JOSD1: variants seen among roughly 807,000 people sequenced by gnomAD.
The protein encoded by JOSD1 is Josephin domain containing 1, also known as josephin-1.
A neutral mutation model predicts 24.3 loss-of-function variants in JOSD1; 11 were observed. The ratio of observed to expected loss-of-function variants is 0.45; its 90% CI spans 0.29 to 0.75. The LOEUF is 0.75. JOSD1 is among the 30% of genes least tolerant of loss of function. The pLI, the probability that JOSD1 is intolerant of heterozygous loss-of-function variation, is 0.11. For synonymous variants in JOSD1, 106 were observed against 93.8 expected, an observed-to-expected ratio of 1.13 and a Z score of -0.75; for missense variants, 184 against 253.5, an observed-to-expected ratio of 0.73 and a Z score of 1.86.
In JOSD1 at chr22:38,700,648, G is replaced by A. The variant is rs1016565906; in HGVS notation, c.-631-30C>T. On this transcript the variant is annotated intron_variant, in intron 1 of 4. Transcript: ENST00000683374. ...GGAGGAGGAGACAACTCCGGTCAGCGGCGAGCGGGCGCGGGAAGTGAGCGG... is the reference window on the plus strand; with the variant it reads ...GGAGGAGGAGACAACTCCGGTCAGCAGCGAGCGGGCGCGGGAAGTGAGCGG... The A allele has an allele frequency of 1.5e-5, 15 of 983,650 alleles. No individual in the cohort carries two copies. The Admixed American group carries it at 8.0e-4, about 52-fold the overall frequency. The allele number at this position is 983,650 out of a possible 1,614,324, so 60.9% of individuals were successfully genotyped here.
Position 38,689,868 on chromosome 22 carries a change from AAGT to A in JOSD1, c.186-447_186-445del, listed in dbSNP as rs367989812. ...CTGGGGTTGGATATAAGGCAATAAA[AAGT>A]AGTGAGGCCTACTGGAATGCACGAC... On this transcript the variant is annotated intron_variant, in intron 2 of 4. Coordinates refer to ENST00000683374, the MANE Select transcript of JOSD1 (RefSeq NM_001360236.2). Among the ~76,000 whole-genome samples, 927 of 151,700 alleles carry A rather than the reference AAGT, an allele frequency of 6.1e-3. 16 individuals are homozygous for A. The highest frequency in any genetic ancestry group is 0.022 in the African/African-American group (901 of 41,140).
rs754520912 is a variant in JOSD1 at position 38,687,955 on chromosome 22, G to C, written c.556C>G (p.Leu186Val). 1 of 1,613,998 alleles carries C rather than the reference G, an allele frequency of 6.2e-7. No individual in the cohort carries two copies. The highest frequency in any genetic ancestry group is 8.5e-7 in the Non-Finnish European group (1 of 1,179,804). Residue 186 changes from leucine (L) to valine (V), a missense_variant, in exon 5 of 5, where the codon CTG becomes GTG. Leu to Val is a conservative substitution (Grantham distance 32, BLOSUM62 1). Coordinates refer to ENST00000683374, the MANE Select transcript of JOSD1 (RefSeq NM_001360236.2). ...HLRGKNCELL[L>V]VVPEEVEAHQ... Reference sequence around the variant, plus strand: ...GCCTCTACCTCTTCTGGTACCACCAGCAGGAGTTCACAGTTCTTTCCTCGC... The same window carrying C: ...GCCTCTACCTCTTCTGGTACCACCACCAGGAGTTCACAGTTCTTTCCTCGC...
At position 38,699,934 on chromosome 22, in the gene JOSD1, C is replaced by G. The variant is rs756380535; in HGVS notation, c.54G>C (p.Leu18=). ...GDKAKSESLE[L]PQAAPPQIYH... is the part of the protein sequence containing the mutation. Reference sequence around the variant, plus strand: ...AGATTTGTGGGGGTGCTGCCTGGGGCAGCTCCAATGATTCAGATTTGGCCT... The same window carrying G: ...AGATTTGTGGGGGTGCTGCCTGGGGGAGCTCCAATGATTCAGATTTGGCCT... The change falls in exon 2 of 5, where the codon CTG becomes CTC. Residue 18 remains leucine (L), a synonymous_variant. Transcript: ENST00000683374. The G allele has an allele frequency of 6.2e-7, 1 of 1,613,744 alleles. No homozygotes were observed. The highest frequency in any genetic ancestry group is 8.5e-7 in the Non-Finnish European group (1 of 1,179,794).
chr22:38,688,956 A>C lies in JOSD1; in HGVS notation c.488T>G (p.Ile163Ser). ...LDSKLKMPEW[I>S]GGESELRKFL... ...TTACCTGAGCTCGCTCTCGCCTCCA[A>C]TCCACTCGGGCATCTTGAGTTTGGA... The change falls in exon 4 of 5, where the codon ATT (isoleucine) becomes AGT (serine). Residue 163 changes from isoleucine to serine, a missense_variant. Ile to Ser is a moderately radical substitution (Grantham distance 142). Coordinates refer to ENST00000683374, the MANE Select transcript of JOSD1 (RefSeq NM_001360236.2). 1 of 1,613,890 alleles carries C rather than the reference A, an allele frequency of 6.2e-7. No homozygotes were observed. The highest frequency in any genetic ancestry group is 8.5e-7 in the Non-Finnish European group (1 of 1,179,938).
chr22:38,688,085 C>T, intron 4 of JOSD1, 84 bp from the exon 5 acceptor site: 1 of 897,036 alleles, frequency 1.1e-6, no homozygotes, highest in Admixed American at 1.9e-5. Flanking sequence ...TGAAACCTCA[C>T]TCTACCCTCG....
intron 2 of JOSD1, among the ~76,000 whole-genome samples, chr22:38,699,457 A>G (rs78178336): frequency 2.0e-4 from 31 of 152,378 alleles, no homozygotes; most frequent in Non-Finnish European, 2.2e-4. Flanking sequence ...CAGCATAGAT[A>G]TAAGAATTCA....
At chr22:38,688,289 T>C (rs556406626) in intron 4 of JOSD1, among the ~76,000 whole-genome samples, 5 of 152,262 alleles carry the variant, frequency 3.3e-5, no homozygotes, top group Admixed American at 6.5e-5. Context: ...GGAGACGGAG[T>C]TTCGCTCTTG....
chr22:38,688,411 C>T (rs1211833034), intron 4 of JOSD1, among the ~76,000 whole-genome samples: 1 of 152,090 alleles, frequency 6.6e-6, no homozygotes, highest in Non-Finnish European at 1.5e-5. Flanking sequence ...TACAGGCGTC[C>T]GCCACCACGC....
At chr22:38,700,977 G>A (rs1426049060), upstream of JOSD1, 4 of 984,784 alleles carry the variant, frequency 4.1e-6, no homozygotes, top group Admixed American at 1.2e-4. Context: ...TGAGCCCGAC[G>A]TCAGCGGCCC....
chr22:38,688,999 C>T lies in JOSD1; in HGVS notation c.445G>A (p.Ala149Thr), dbSNP rs867974665. The part of the protein sequence containing the change: ...HWICVREVGG[A>T]YYNLDSKLKM... ...AGTTTGGAGTCGAGGTTGTAGTAGGCCCCTCCCACCTCTCGAACACAGATC... is the reference window on the plus strand; with the variant it reads ...AGTTTGGAGTCGAGGTTGTAGTAGGTCCCTCCCACCTCTCGAACACAGATC... Residue 149 changes from alanine to threonine, a missense_variant, in exon 4 of 5, where the codon GCC becomes ACC. Transcript: ENST00000683374. 2 of 1,614,012 alleles carry T rather than the reference C, an allele frequency of 1.2e-6. No individual in the cohort carries two copies. Among genetic ancestry groups the T allele is most frequent in the African/African-American group, 1.3e-5 (1 of 74,930 alleles).
chr22:38,698,987 A>C (rs1382605941), intron 2 of JOSD1, among the ~76,000 whole-genome samples: 2 of 151,954 alleles, frequency 1.3e-5, no homozygotes, highest in Non-Finnish European at 2.9e-5. Flanking sequence ...AAACTCCTGA[A>C]CTCAGGTGAT....
At position 38,700,353 on chromosome 22, in the gene JOSD1, C is replaced by T; in HGVS notation, c.-366G>A. 1.9e-5 allele frequency: 19 copies of T among 1,009,936 alleles called. No homozygotes were observed. The highest frequency in any genetic ancestry group is 2.2e-5 in the Non-Finnish European group (19 of 844,492). The allele number at this position is 1,009,936 out of a possible 1,614,324, so 62.6% of individuals were successfully genotyped here. A position where few individuals can be genotyped will look rare whatever the true frequency, so the allele number is the denominator to read the frequency against. ...CTGTTTCCCTCTGCAAATGCCAGGC[C>T]TCAAAGCAGGAGGACCGAACACAAT... On this transcript the variant is annotated 5_prime_UTR_variant, in exon 2 of 5. Transcript: ENST00000683374.
At chr22:38,688,790 C>G (rs1188781819) in intron 4 of JOSD1, 145 bp downstream of exon 4, 1 of 778,396 alleles carries the variant, frequency 1.3e-6, no homozygotes, top group African/African-American at 1.7e-5. Context: ...AGGTCAGGTC[C>G]GAGACACTAT....
intron 2 of JOSD1, among the ~76,000 whole-genome samples, chr22:38,692,928 C>T (rs1386400296): frequency 4.6e-5 from 7 of 152,026 alleles, no homozygotes; most frequent in Admixed American, 3.3e-4. Flanking sequence ...ATGAAGGCTC[C>T]AACAAGGAAA....
intron 2 of JOSD1, among the ~76,000 whole-genome samples, chr22:38,698,958 T>C (rs56968635): frequency 0.066 from 10,059 of 152,166 alleles, 713 homozygotes; most frequent in African/African-American, 0.17. Context: ...GGTTCCACCA[T>C]GTTGGACAGG....
chr22:38,700,394 TTTTCTTCCATTTC>T lies in JOSD1; in HGVS notation c.-420_-408del. ...CGAACACAATCGGTCACATCGCTCC[TTTTCTTCCATTTC>T]TTTTGAACCACGACGCCAATGACTC... On this transcript the variant is annotated 5_prime_UTR_variant, in exon 2 of 5. An upstream start codon of the reference 5' UTR is lost. Coordinates refer to ENST00000683374, the MANE Select transcript of JOSD1 (RefSeq NM_001360236.2). 1 of 983,998 alleles carries T rather than the reference TTTTCTTCCATTTC, an allele frequency of 1.0e-6. No individual in the cohort carries two copies. Among genetic ancestry groups the T allele is most frequent in the Non-Finnish European group, 1.2e-6 (1 of 831,518 alleles). 61.0% of individuals were successfully genotyped at this position (983,998 alleles called of 1,614,324 possible). A position where few individuals can be genotyped will look rare whatever the true frequency, so the allele number is the denominator to read the frequency against.
chr22:38,688,080 C>T, intron 4 of JOSD1, 79 bp from the exon 5 acceptor site: 1 of 920,764 alleles, frequency 1.1e-6, no homozygotes, highest in Admixed American at 1.9e-5. Context: ...TCACCTGAAA[C>T]CTCACTCTAC....
intron 2 of JOSD1, among the ~76,000 whole-genome samples, chr22:38,694,155 TCAC>T (rs1460296344): frequency 1.3e-5 from 2 of 152,234 alleles, no homozygotes; most frequent in Non-Finnish European, 2.9e-5. Context: ...CCCAGCGTAT[TCAC>T]CACACCAGCA....
At chr22:38,688,055 C>T in intron 4 of JOSD1, 54 bp from the exon 5 acceptor site, 1 of 1,272,812 alleles carries the variant, frequency 7.9e-7, no homozygotes, top group Non-Finnish European at 1.1e-6. Context: ...AAATTCCAGT[C>T]TCAGGACCAC....
Sources: gnomAD v4.1 joint callset for allele counts (sites outside exome capture counted in the v4.1 genomes callset) on GRCh38, gnomAD v4.1.1 for gene constraint, MANE v1.5 for transcripts, NCBI Gene and HGNC (gene_info 2026-07-23, HGNC 2026-07-21) for gene names.